Variants in NME5 observed in about 807,000 individuals in gnomAD.
The protein encoded by NME5 is nucleoside diphosphate kinase 5.
Under a neutral mutation model 21.6 loss-of-function variants are expected in NME5, and 18 were observed. That is an observed-to-expected ratio of 0.83 (90% CI 0.58 to 1.24). The LOEUF is 1.24. Ranked by LOEUF, NME5 falls within the 50% of genes most tolerant of loss-of-function variation. The probability of loss-of-function intolerance (pLI) is 0.00; values close to 1 mark genes in which losing one functional copy is unlikely to be tolerated. For synonymous variants in NME5, 70 were observed against 80.6 expected (o/e 0.87, Z 0.71); for missense variants, 223 against 255.4 (o/e 0.87, Z 0.86).
intron 2 of NME5, among the ~76,000 whole-genome samples, chr5:138,131,204 T>TAAAAAAAAAAAAAAA (rs762579967): frequency 1.2e-5 from 1 of 80,878 alleles, no homozygotes; most frequent in Non-Finnish European, 2.2e-5. Flanking sequence ...CCGTCTCTGC[T>TAAAAAAAAAAAAAAA]AAAAAAAAAA....
chr5:138,137,355 T>C (rs962251385), intron 2 of NME5, among the ~76,000 whole-genome samples: 5 of 152,114 alleles, frequency 3.3e-5, no homozygotes, highest in Non-Finnish European at 2.9e-5. Flanking sequence ...TCTCCCTCTA[T>C]TGCCCAGGCT....
intron 4 of NME5, chr5:138,123,056 C>G (rs1751322356): frequency 6.6e-6 from 1 of 152,000 alleles, no homozygotes; most frequent in African/African-American, 2.4e-5. Context: ...TGCATAGGGG[C>G]CAAGCTAATC....
intron 2 of NME5, among the ~76,000 whole-genome samples, chr5:138,134,821 G>T (rs1751656325): frequency 7.3e-6 from 1 of 137,706 alleles, no homozygotes; most frequent in African/African-American, 2.6e-5. Flanking sequence ...CACCTCCCGG[G>T]TTCACGCCAT....
intron 2 of NME5, among the ~76,000 whole-genome samples, chr5:138,136,972 T>C (rs1420354914): frequency 6.6e-6 from 1 of 150,400 alleles, no homozygotes; most frequent in Non-Finnish European, 1.5e-5. Flanking sequence ...AATCTTTTCT[T>C]CCATGGCTCC....
At chr5:138,135,362 T>C (rs1751674404) in intron 2 of NME5, among the ~76,000 whole-genome samples, 1 of 144,584 alleles carries the variant, frequency 6.9e-6, no homozygotes, top group African/African-American at 2.6e-5. Flanking sequence ...CAAGACAGAG[T>C]CTCCCTCTGT....
chr5:138,120,228 C>T (rs488699), intron 4 of NME5, among the ~76,000 whole-genome samples: 790 of 40,384 alleles, frequency 0.02, 72 homozygotes, highest in South Asian at 0.037. Flanking sequence ...CTGCTCCCAG[C>T]TCTTTTTTTT....
chr5:138,115,752 C>T lies in NME5; in HGVS notation c.568G>A (p.Asp190Asn), dbSNP rs1581372967. ...KPADPLIWLA[D>N]WLLKNNPNKP... ...TTAGGATTATTTTTCAGCAGCCAAT[C>T]AGCTAGCCAAATCTATGGGAAAAAA... Residue 190 changes from aspartate (D) to asparagine (N), a missense_variant, in exon 6 of 6, where the codon GAT (aspartate) becomes AAT (asparagine). Asp to Asn is a conservative substitution (Grantham distance 23, BLOSUM62 1). Coordinates refer to ENST00000265191, the MANE Select transcript of NME5 (RefSeq NM_003551.3). 1 of 1,573,998 alleles carries T rather than the reference C, an allele frequency of 6.4e-7. No individual in the cohort carries two copies. Among genetic ancestry groups the T allele is most frequent in the Non-Finnish European group, 8.6e-7 (1 of 1,166,900 alleles).
chr5:138,133,922 A>G (rs1426678422), intron 2 of NME5, among the ~76,000 whole-genome samples: 1 of 152,020 alleles, frequency 6.6e-6, no homozygotes, highest in Non-Finnish European at 1.5e-5. Flanking sequence ...TTGTACAACA[A>G]TGTGAATGTA....
At chr5:138,137,343 G>A (rs1424768477) in intron 2 of NME5, among the ~76,000 whole-genome samples, 1 of 151,850 alleles carries the variant, frequency 6.6e-6, no homozygotes, top group Non-Finnish European at 1.5e-5. Flanking sequence ...TTTTGAGACA[G>A]ATCTCCCTCT....
In NME5 at chr5:138,129,311, AG is replaced by A. The variant is rs1470659721; in HGVS notation, c.286del (p.Leu96PhefsTer8). On this transcript the variant is annotated frameshift_variant, in exon 3 of 6. Coordinates refer to ENST00000265191, the MANE Select transcript of NME5 (RefSeq NM_003551.3). LOFTEE classifies it high-confidence loss of function. ...TACTAAGCTATTATTTGGTCCCAAA[AG>A]TTCTAACCAATAAGAGATGGCTTTA... is the stretch of plus-strand genomic sequence containing the variant. ...RHKAISYWLELLGPNNSLVAK... is the reference protein window; with the variant it reads ...RHKAISYWLEXLGPNNSLVAK... 1.2e-6 allele frequency: 2 copies of A among 1,614,016 alleles called. No individual in the cohort carries two copies. The highest frequency in any genetic ancestry group is 1.7e-6 in the Non-Finnish European group (2 of 1,180,012).
rs778036582 is a variant in NME5 at position 138,138,946 on chromosome 5, C to T, written c.-5-161G>A. The T allele has an allele frequency of 1.0e-3, 661 of 651,592 alleles. 3 individuals are homozygous for T. Among genetic ancestry groups the T allele is most frequent in the South Asian group, 2.0e-3 (102 of 50,504 alleles). The allele number at this position is 651,592 out of a possible 1,614,324, so 40.4% of individuals were successfully genotyped here. The stretch of plus-strand genomic sequence containing the variant: ...TGAAGGTAGAAACTGCCATGTTTTT[C>T]TATATACAGGGTCTCAATAATAGGA... On this transcript the variant is annotated intron_variant, in intron 1 of 5. Transcript: ENST00000265191.
At chr5:138,135,087 G>T (rs1220760740) in intron 2 of NME5, among the ~76,000 whole-genome samples, 1 of 149,178 alleles carries the variant, frequency 6.7e-6, no homozygotes, top group African/African-American at 2.4e-5. Context: ...GGGAGGCCGA[G>T]GCAGGTGGAT....
rs1012420030 is a variant in NME5 at position 138,115,239 on chromosome 5, T to C, written c.*442A>G. The C allele has an allele frequency of 6.5e-6, 1 of 152,716 alleles. No individual in the cohort carries two copies. Among genetic ancestry groups the C allele is most frequent in the African/African-American group, 2.4e-5 (1 of 41,468 alleles). The allele number at this position is 152,716 out of a possible 1,614,324, so 9.5% of individuals were successfully genotyped here. A position where few individuals can be genotyped will look rare whatever the true frequency, so the allele number is the denominator to read the frequency against. On this transcript the variant is annotated 3_prime_UTR_variant, in exon 6 of 6. Coordinates refer to ENST00000265191, the MANE Select transcript of NME5 (RefSeq NM_003551.3). ...AATGTGATGATGCTGTAACAAGGTT[T>C]GAGGGAAGCATATCTGACACATGAG...
At chr5:138,122,472 G>A (rs1280395975) in intron 4 of NME5, among the ~76,000 whole-genome samples, 2 of 107,690 alleles carry the variant, frequency 1.9e-5, no homozygotes, top group African/African-American at 3.8e-5. Context: ...AAAAAAAATT[G>A]TGCCTAAATA....
intron 5 of NME5, among the ~76,000 whole-genome samples, chr5:138,117,447 G>T (rs1445522185): frequency 1.3e-5 from 2 of 152,052 alleles, no homozygotes; most frequent in Non-Finnish European, 2.9e-5. Context: ...GACAATATTT[G>T]CAAATCATAT....
intron 1 of NME5, 132 bp from the exon 2 acceptor site, chr5:138,138,917 CTGA>C (rs1241912168): frequency 4.9e-6 from 4 of 813,442 alleles, no homozygotes; most frequent in Non-Finnish European, 7.7e-6. Context: ...ATTTTATTAA[CTGA>C]TGAAGGTAGA....
chr5:138,130,609 T>C (rs1272069698), intron 2 of NME5, among the ~76,000 whole-genome samples: 1 of 151,916 alleles, frequency 6.6e-6, no homozygotes, highest in Admixed American at 6.6e-5. Context: ...GCCAACATAG[T>C]GAAACCCCAT....
intron 4 of NME5, among the ~76,000 whole-genome samples, chr5:138,120,428 C>T (rs760147877): frequency 1.5e-4 from 22 of 151,672 alleles, no homozygotes; most frequent in African/African-American, 3.6e-4. Context: ...TTAGTAGAGA[C>T]GGGGTTTCAC....
intron 4 of NME5, among the ~76,000 whole-genome samples, chr5:138,124,172 AT>A (rs969135404): frequency 1.9e-4 from 27 of 141,042 alleles, no homozygotes; most frequent in African/African-American, 1.8e-4. Flanking sequence ...AATTTTTTGT[AT>A]TTTTTTTTTA....
Sources: gnomAD v4.1 joint callset for allele counts (sites outside exome capture counted in the v4.1 genomes callset) on GRCh38, gnomAD v4.1.1 for gene constraint, MANE v1.5 for transcripts, NCBI Gene and HGNC (gene_info 2026-07-23, HGNC 2026-07-21) for gene names.